Variants in ZNG1A observed in about 807,000 individuals in gnomAD.
ZNG1A encodes zinc-regulated GTPase metalloprotein activator 1A.
At chr9:127,629 A>G in the ZNG1A span, among the ~76,000 whole-genome samples, 6 of 152,140 alleles carry the variant, frequency 3.9e-5, no homozygotes, top group Non-Finnish European at 5.9e-5. Flanking sequence ...ATTCTTACCT[A>G]TTCTGCAATT....
the ZNG1A span, chr9:166,946 A>G: frequency 1.3e-5 from 2 of 152,192 alleles, no homozygotes; most frequent in Non-Finnish European, 2.9e-5. Context: ...ACCAAAAAAA[A>G]GTATTCATGG....
At chr9:130,489 T>C in the ZNG1A span, among the ~76,000 whole-genome samples, 1 of 115,520 alleles carries the variant, frequency 8.7e-6, no homozygotes, top group Non-Finnish European at 1.8e-5. Context: ...TGGAGTAGAG[T>C]GGCACAATCA....
At chr9:178,280 G>C in the ZNG1A span, among the ~76,000 whole-genome samples, 2 of 151,432 alleles carry the variant, frequency 1.3e-5, no homozygotes, top group African/African-American at 2.4e-5. Context: ...CCTACGCAGT[G>C]GTTTACAAAC....
chr9:156,563 T>C, the ZNG1A span: 2 of 1,590,616 alleles, frequency 1.3e-6, no homozygotes, highest in Admixed American at 3.4e-5. Context: ...GTTACTATAA[T>C]ACAATAAAAA....
At chr9:131,725 G>C in the ZNG1A span, among the ~76,000 whole-genome samples, 10 of 148,262 alleles carry the variant, frequency 6.7e-5, no homozygotes, top group Non-Finnish European at 1.2e-4. Context: ...AAACAGCTCT[G>C]GATTTATCCC....
chr9:176,238 C>A, the ZNG1A span, among the ~76,000 whole-genome samples: 1 of 138,582 alleles, frequency 7.2e-6, no homozygotes, highest in Non-Finnish European at 1.5e-5. Context: ...TAAAGCTATA[C>A]CAACTTTATC....
chr9:138,078 T>G, the ZNG1A span, among the ~76,000 whole-genome samples: 7 of 151,200 alleles, frequency 4.6e-5, no homozygotes, highest in Admixed American at 6.6e-5. Context: ...CACATGTAAT[T>G]CAGGTATACC....
At chr9:154,716 T>G in the ZNG1A span, 5 of 1,597,124 alleles carry the variant, frequency 3.1e-6, no homozygotes, top group East Asian at 1.1e-4. Context: ...TACCTAATTG[T>G]CGTTCTTAAT....
chr9:140,195 C>G, the ZNG1A span, among the ~76,000 whole-genome samples: 1 of 151,588 alleles, frequency 6.6e-6, no homozygotes, highest in Non-Finnish European at 1.5e-5. Context: ...TCTGTAGGCT[C>G]CACCTCTGGG....
the ZNG1A span, among the ~76,000 whole-genome samples, chr9:174,674 T>A: frequency 6.6e-6 from 1 of 150,730 alleles, no homozygotes; most frequent in African/African-American, 2.5e-5. Flanking sequence ...TGGCTTCCCA[T>A]CCTGTTCATA....
the ZNG1A span, among the ~76,000 whole-genome samples, chr9:159,083 GAAGAAAA>G: frequency 6.6e-6 from 1 of 150,512 alleles, no homozygotes; most frequent in Admixed American, 6.6e-5. Context: ...ATAAGTAAAT[GAAGAAAA>G]AATTTTTGCA....
At chr9:156,539 A>G in the ZNG1A span, 11 of 1,595,788 alleles carry the variant, frequency 6.9e-6, no homozygotes, top group East Asian at 4.5e-5. Flanking sequence ...TAAACAAAAA[A>G]AAGTTGGAAT....
the ZNG1A span, chr9:171,909 T>A: frequency 1.1e-6 from 1 of 905,764 alleles, no homozygotes; most frequent in East Asian, 2.6e-5. Flanking sequence ...TGTTCATTCA[T>A]TCAACTGCCA....
the ZNG1A span, among the ~76,000 whole-genome samples, chr9:169,732 C>G: frequency 6.7e-6 from 1 of 150,300 alleles, no homozygotes; most frequent in Non-Finnish European, 1.5e-5. Context: ...AAGACTATGA[C>G]TTGCTGAAAG....
the ZNG1A span, among the ~76,000 whole-genome samples, chr9:177,170 C>T: frequency 6.6e-6 from 1 of 152,122 alleles, no homozygotes; most frequent in Non-Finnish European, 1.5e-5. Flanking sequence ...TTGTGCGGGG[C>T]CAATTTGGCA....
At chr9:172,224 T>C in the ZNG1A span, 1 of 1,602,952 alleles carries the variant, frequency 6.2e-7, no homozygotes, top group East Asian at 2.2e-5. Flanking sequence ...TATTTTGAAG[T>C]GATTATTATA....
At chr9:142,716 G>A in the ZNG1A span, among the ~76,000 whole-genome samples, 2 of 142,806 alleles carry the variant, frequency 1.4e-5, no homozygotes, top group Non-Finnish European at 3.0e-5. Flanking sequence ...AGGAAATAGA[G>A]ACACAAAAAA....
the ZNG1A span, chr9:149,307 T>G: frequency 6.6e-6 from 1 of 150,968 alleles, no homozygotes; most frequent in Admixed American, 6.6e-5. Flanking sequence ...TGGTAAGTTC[T>G]CTATCTCTTC....
the ZNG1A span, among the ~76,000 whole-genome samples, chr9:156,899 TATTC>T: frequency 7.9e-5 from 12 of 152,064 alleles, no homozygotes; most frequent in African/African-American, 2.9e-4. Context: ...TGGTTCTAAA[TATTC>T]ATTATTACTT....
Sources: gnomAD v4.1 joint callset for allele counts (sites outside exome capture counted in the v4.1 genomes callset) on GRCh38, gnomAD v4.1.1 for gene constraint, MANE v1.5 for transcripts, NCBI Gene and HGNC (gene_info 2026-07-23, HGNC 2026-07-21) for gene names.